The following RRAS2 variants were observed in gnomAD, a reference collection of about 807,000 sequenced individuals.
The protein encoded by RRAS2 is ras-related protein R-Ras2.
RRAS2 carries 7 observed loss-of-function variants against 27.6 expected under a neutral mutation model. The ratio of observed to expected loss-of-function variants is 0.25; its 90% CI spans 0.14 to 0.48. The LOEUF (loss-of-function observed/expected upper bound fraction) is 0.48, where lower values mean the gene tolerates loss of function less well. Ranked by LOEUF, RRAS2 falls within the 20% of genes least tolerant of loss-of-function variation. The pLI is 0.99. For missense variants in RRAS2, 178 were observed against 256.2 expected (o/e 0.69, Z 2.08); for synonymous variants, 86 against 90.9 (o/e 0.95, Z 0.31).
intron 1 of RRAS2, among the ~76,000 whole-genome samples, chr11:14,302,696 T>C (rs1847746305): frequency 6.6e-6 from 1 of 152,022 alleles, no homozygotes; most frequent in African/African-American, 2.4e-5. Flanking sequence ...GGGCCACAGG[T>C]CCCCAGTGAC....
rs187068601 is a variant in RRAS2, at chr11:14,287,668, T to A, written c.409-5948A>T. ...GGGTGGATCACCTAAGGTCGGGAGC[T>A]CAAGACACGCCTGGCCAACATGGTG... On this transcript the variant is annotated intron_variant, in intron 4 of 5. Transcript: ENST00000256196. Among the ~76,000 whole-genome samples the A allele has an allele frequency of 8.2e-4, 125 of 151,818 alleles. 2 individuals are homozygous for A. The East Asian group carries it at 0.019, about 23-fold the overall frequency.
intron 1 of RRAS2, among the ~76,000 whole-genome samples, chr11:14,352,910 C>T (rs1385480667): frequency 2.0e-5 from 3 of 151,848 alleles, no homozygotes; most frequent in Admixed American, 2.0e-4. Context: ...AGTTCTCCTG[C>T]CTCAGCTCCT....
At chr11:14,355,237 G>A (rs1297474840) in intron 1 of RRAS2, among the ~76,000 whole-genome samples, 1 of 151,306 alleles carries the variant, frequency 6.6e-6, no homozygotes, top group African/African-American at 2.4e-5. Flanking sequence ...GGGGAAGAAA[G>A]AGAAGCTCAG....
chr11:14,327,197 T>C (rs930266878), intron 1 of RRAS2, among the ~76,000 whole-genome samples: 20 of 152,206 alleles, frequency 1.3e-4, no homozygotes, highest in African/African-American at 4.6e-4. Flanking sequence ...AACAACAGTT[T>C]TAAGATGCAA....
At position 14,278,634 on chromosome 11, in the gene RRAS2, GAA is replaced by G. The variant is rs1408491083; in HGVS notation, c.*701_*702del. 4 of 152,254 alleles carry G rather than the reference GAA, an allele frequency of 2.6e-5. No individual in the cohort carries two copies. Among genetic ancestry groups the G allele is most frequent in the South Asian group, 2.1e-4 (1 of 4,828 alleles). The allele number at this position is 152,254 out of a possible 1,614,324, so 9.4% of individuals were successfully genotyped here. On this transcript the variant is annotated 3_prime_UTR_variant, in exon 6 of 6. Transcript: ENST00000256196. ...TCCTTTTTACCCTTAGCGTGGCTGT[GAA>G]AAAGAGTTAAATTAAAAAATCAAGT... is the stretch of plus-strand genomic sequence containing the variant.
At chr11:14,312,575 A>T (rs782536036) in intron 1 of RRAS2, among the ~76,000 whole-genome samples, 10 of 152,056 alleles carry the variant, frequency 6.6e-5, no homozygotes, top group Non-Finnish European at 2.9e-5. Flanking sequence ...GCATGCCACC[A>T]CGCCTGGCTA....
At chr11:14,333,106 A>G (rs1241924477) in intron 1 of RRAS2, among the ~76,000 whole-genome samples, 2 of 152,190 alleles carry the variant, frequency 1.3e-5, no homozygotes, top group African/African-American at 4.8e-5. Flanking sequence ...TCTTCAGGTA[A>G]ATCATAGTAT....
At chr11:14,333,324 C>T (rs1403271041) in intron 1 of RRAS2, among the ~76,000 whole-genome samples, 2 of 152,004 alleles carry the variant, frequency 1.3e-5, no homozygotes, top group African/African-American at 2.4e-5. Flanking sequence ...TTTATCAAGT[C>T]AAAGGAAAAG....
In RRAS2 at chr11:14,358,160, T is replaced by A; in HGVS notation, c.108+603A>T. On this transcript the variant is annotated intron_variant, in intron 1 of 5. Transcript: ENST00000256196. This position sits in a 1 kb window ranked among gnomAD's most constrained non-coding sequence, Gnocchi z 5.1. ...TTTTTAACTTCCTAGAAGCCACCAT[T>A]TCCCCGGGGCATTATCACACACTCC... 1.1e-6 allele frequency: 1 copy of A among 929,592 alleles called. No homozygotes were observed. The highest frequency in any genetic ancestry group is 1.3e-6 in the Non-Finnish European group (1 of 779,010). 57.6% of individuals were successfully genotyped at this position (929,592 alleles called of 1,614,324 possible).
Position 14,358,509 on chromosome 11 carries a change from CT to C in RRAS2, c.108+253del, listed in dbSNP as rs1380275525. 3.0e-6 allele frequency: 3 copies of C among 985,820 alleles called. No homozygotes were observed. The highest frequency in any genetic ancestry group is 3.6e-6 in the Non-Finnish European group (3 of 830,386). 61.1% of individuals were successfully genotyped at this position (985,820 alleles called of 1,614,324 possible). On this transcript the variant is annotated intron_variant, in intron 1 of 5. Coordinates refer to ENST00000256196, the MANE Select transcript of RRAS2 (RefSeq NM_012250.6). The surrounding 1 kb of genome is among the most constrained non-coding windows in gnomAD (Gnocchi z 5.1). ...ATAAGGTGGATCGGTGCTTCCCACC[CT>C]TCCAGCTCCGCCCTCCCGACCACAT... is the stretch of plus-strand genomic sequence containing the variant.
intron 1 of RRAS2, among the ~76,000 whole-genome samples, chr11:14,356,948 C>A (rs1229811144): frequency 2.6e-5 from 4 of 151,848 alleles, no homozygotes; most frequent in Non-Finnish European, 5.9e-5. Flanking sequence ...CCACCATGCC[C>A]GGCTAATTTT....
chr11:14,350,440 C>T (rs1422325574), intron 1 of RRAS2, among the ~76,000 whole-genome samples: 3 of 152,160 alleles, frequency 2.0e-5, no homozygotes, highest in African/African-American at 7.2e-5. Context: ...GTGATCTCTG[C>T]ACATGCCACT....
intron 1 of RRAS2, among the ~76,000 whole-genome samples, chr11:14,324,084 T>C (rs72863300): frequency 1.2e-3 from 175 of 151,910 alleles, no homozygotes; most frequent in Non-Finnish European, 1.8e-3. Flanking sequence ...CAACATTACA[T>C]TGGAGGTCCT....
chr11:14,355,762 AAAGT>A (rs1849059785), intron 1 of RRAS2, among the ~76,000 whole-genome samples: 1 of 152,164 alleles, frequency 6.6e-6, no homozygotes, highest in South Asian at 2.1e-4. Flanking sequence ...GAGTCTTAAA[AAAGT>A]AAGTCCAATT....
chr11:14,282,659 G>A (rs74237086), intron 4 of RRAS2, among the ~76,000 whole-genome samples: 35 of 149,684 alleles, frequency 2.3e-4, no homozygotes, highest in African/African-American at 6.4e-4. Context: ...AAATTGGGGG[G>A]AAAAAAAAAA....
intron 4 of RRAS2, among the ~76,000 whole-genome samples, chr11:14,284,156 T>C (rs557875844): frequency 1.3e-5 from 2 of 152,348 alleles, no homozygotes; most frequent in Non-Finnish European, 2.9e-5. Flanking sequence ...TTTGTTCTAA[T>C]ACAAATATTT....
At chr11:14,350,231 T>C (rs930378034) in intron 1 of RRAS2, among the ~76,000 whole-genome samples, 1 of 152,194 alleles carries the variant, frequency 6.6e-6, no homozygotes, top group Admixed American at 6.5e-5. Context: ...CCTCCAAATC[T>C]CATATTGAAA....
chr11:14,358,745 C>A lies in RRAS2; in HGVS notation c.108+18G>T, dbSNP rs782016031. On this transcript the variant is annotated intron_variant, in intron 1 of 5. Coordinates refer to ENST00000256196, the MANE Select transcript of RRAS2 (RefSeq NM_012250.6). This position sits in a 1 kb window ranked among gnomAD's most constrained non-coding sequence, Gnocchi z 5.1. The stretch of plus-strand genomic sequence containing the variant: ...CCCGCCGCCGCTCCGGCGCCCCGGG[C>A]AGGCCCGCTCCAGGTACCTGGATGA... The A allele has an allele frequency of 7.3e-7, 1 of 1,367,050 alleles. No individual in the cohort carries two copies. The highest frequency in any genetic ancestry group is 9.6e-7 in the Non-Finnish European group (1 of 1,046,248). 84.7% of individuals were successfully genotyped at this position (1,367,050 alleles called of 1,614,324 possible). A position where few individuals can be genotyped will look rare whatever the true frequency, so the allele number is the denominator to read the frequency against.
At chr11:14,310,812 G>T (rs782326727) in intron 1 of RRAS2, among the ~76,000 whole-genome samples, 4 of 152,184 alleles carry the variant, frequency 2.6e-5, no homozygotes, top group Admixed American at 6.5e-5. Context: ...CTTAGGCATG[G>T]AAGGAATTCT....
Sources: allele counts gnomAD v4.1 joint callset (sites outside exome capture counted in the v4.1 genomes callset), GRCh38; gene constraint gnomAD v4.1.1; non-coding constraint Gnocchi (gnomAD v3.1); transcripts MANE v1.5; gene names NCBI Gene and HGNC (gene_info 2026-07-23, HGNC 2026-07-21).